GPC5: variants seen among roughly 807,000 people sequenced by gnomAD.
GPC5 encodes the protein glypican-5.
A neutral mutation model predicts 53.9 loss-of-function variants in GPC5; 47 were observed. The ratio of observed to expected loss-of-function variants is 0.87; its 90% CI spans 0.69 to 1.11. GPC5 has a LOEUF of 1.11. Ranked by LOEUF, GPC5 falls within the 50% of genes most tolerant of loss-of-function variation. The pLI is 0.00. For synonymous variants in GPC5, 286 were observed against 263.3 expected (o/e 1.09, Z -0.84); for missense variants, 748 against 713.1 (o/e 1.05, Z -0.56).
chr13:91,976,580 C>T (rs2040304433), intron 6 of GPC5, among the ~76,000 whole-genome samples: 2 of 152,106 alleles, frequency 1.3e-5, no homozygotes, highest in African/African-American at 4.8e-5. Flanking sequence ...AGTTGGTCAA[C>T]AGGAAGCAGG....
chr13:91,618,205 A>C (rs1003506664), intron 2 of GPC5, among the ~76,000 whole-genome samples: 2 of 152,148 alleles, frequency 1.3e-5, no homozygotes, highest in Non-Finnish European at 2.9e-5. Flanking sequence ...CAACCAGCTT[A>C]TACAATAGAG....
chr13:91,745,224 G>C (rs1316989083), intron 4 of GPC5, among the ~76,000 whole-genome samples: 4 of 152,060 alleles, frequency 2.6e-5, no homozygotes, highest in African/African-American at 9.7e-5. Flanking sequence ...ATCACTCTTT[G>C]TAGAGGAGGA....
Position 92,486,470 on chromosome 13 carries a change from G to A in GPC5, c.1561+341481G>A, listed in dbSNP as rs542446566. On this transcript the variant is annotated intron_variant, in intron 7 of 7. Transcript: ENST00000377067. ...TGTGATGTAATTTTTTAAATAAAGA[G>A]GAAAAAATTCTAGACATTTCCAACT... Among the ~76,000 whole-genome samples, 241 of 152,214 alleles carry A rather than the reference G, an allele frequency of 1.6e-3. 1 individual carries two copies. Among genetic ancestry groups the A allele is most frequent in the South Asian group, 7.7e-3 (37 of 4,818 alleles).
intron 6 of GPC5, among the ~76,000 whole-genome samples, chr13:92,065,708 A>G (rs552008146): frequency 6.6e-6 from 1 of 152,218 alleles, no homozygotes; most frequent in Admixed American, 6.5e-5. Context: ...TTAAATTTAC[A>G]TTTTCAAAAT....
chr13:91,782,324 C>G (rs1224440390), intron 5 of GPC5, among the ~76,000 whole-genome samples: 1 of 152,092 alleles, frequency 6.6e-6, no homozygotes, highest in Non-Finnish European at 1.5e-5. Flanking sequence ...AAGAAATACC[C>G]GAGACTGGCC....
At chr13:92,707,491 T>C (rs1361075571) in intron 7 of GPC5, among the ~76,000 whole-genome samples, 3 of 152,014 alleles carry the variant, frequency 2.0e-5, no homozygotes, top group Admixed American at 6.6e-5. Context: ...AGGACAAAAG[T>C]AGCAAGAAAG....
At chr13:92,336,456 G>A (rs755889897) in intron 7 of GPC5, among the ~76,000 whole-genome samples, 7 of 152,076 alleles carry the variant, frequency 4.6e-5, no homozygotes, top group Non-Finnish European at 1.0e-4. Flanking sequence ...AAACATATGA[G>A]AATTAACATG....
At chr13:91,694,073 G>T (rs549282605) in intron 3 of GPC5, among the ~76,000 whole-genome samples, 192 bp downstream of exon 3, 4 of 152,230 alleles carry the variant, frequency 2.6e-5, no homozygotes, top group African/African-American at 9.6e-5. Context: ...CTGCTGAAAG[G>T]GTGAGTACTG....
chr13:91,943,321 T>C (rs1341104704), intron 6 of GPC5, among the ~76,000 whole-genome samples: 7 of 152,128 alleles, frequency 4.6e-5, no homozygotes, highest in Non-Finnish European at 1.0e-4. Context: ...TTTGGCAATT[T>C]TAAGAAAAGT....
chr13:92,254,663 T>C (rs912302560), intron 7 of GPC5, among the ~76,000 whole-genome samples: 1 of 152,164 alleles, frequency 6.6e-6, no homozygotes, highest in Non-Finnish European at 1.5e-5. Flanking sequence ...TCCACACGGC[T>C]GGGGAGGCCT....
At chr13:92,397,001 G>C (rs1014177877) in intron 7 of GPC5, among the ~76,000 whole-genome samples, 38 of 152,314 alleles carry the variant, frequency 2.5e-4, no homozygotes, top group African/African-American at 8.9e-4. Context: ...CCCTCCATGT[G>C]CTAATGCCAA....
intron 1 of GPC5, among the ~76,000 whole-genome samples, chr13:91,437,412 G>C (rs1880067538): frequency 6.6e-6 from 1 of 152,218 alleles, no homozygotes. Flanking sequence ...GCATTTGCTT[G>C]TCTGTAAAGT....
chr13:91,909,869 C>T (rs994842423), intron 6 of GPC5, among the ~76,000 whole-genome samples: 1 of 152,062 alleles, frequency 6.6e-6, no homozygotes, highest in African/African-American at 2.4e-5. Context: ...GGTTTCAAAG[C>T]CATAGCCTTT....
At chr13:92,429,970 T>A (rs1379003489) in intron 7 of GPC5, among the ~76,000 whole-genome samples, 6 of 151,994 alleles carry the variant, frequency 3.9e-5, no homozygotes. Flanking sequence ...GAGAGTAGAT[T>A]TTAAGTATTG....
chr13:92,235,192 C>T (rs895197168), intron 7 of GPC5, among the ~76,000 whole-genome samples: 3 of 152,080 alleles, frequency 2.0e-5, no homozygotes, highest in Non-Finnish European at 4.4e-5. Flanking sequence ...ATCTCTATTT[C>T]TGCTACAGTT....
At chr13:92,056,074 T>C (rs1241870306) in intron 6 of GPC5, among the ~76,000 whole-genome samples, 3 of 152,206 alleles carry the variant, frequency 2.0e-5, no homozygotes, top group African/African-American at 7.2e-5. Context: ...ACCCAACTAC[T>C]ATAAATTTAG....
chr13:92,651,787 A>G (rs1885967378), intron 7 of GPC5, among the ~76,000 whole-genome samples: 1 of 152,100 alleles, frequency 6.6e-6, no homozygotes, highest in Admixed American at 6.6e-5. Flanking sequence ...TTTTTGGTAA[A>G]TCTAAAACTA....
chr13:92,724,287 A>C (rs1175273628), intron 7 of GPC5, among the ~76,000 whole-genome samples: 1 of 151,696 alleles, frequency 6.6e-6, no homozygotes, highest in Non-Finnish European at 1.5e-5. Flanking sequence ...AAAATAAATA[A>C]GTAAAAAAAC....
intron 5 of GPC5, among the ~76,000 whole-genome samples, chr13:91,823,496 T>G (rs968751777): frequency 3.3e-5 from 5 of 152,100 alleles, no homozygotes; most frequent in African/African-American, 1.2e-4. Context: ...CACTTCAACT[T>G]AAAGAATTAT....
Sources: allele counts gnomAD v4.1 joint callset (sites outside exome capture counted in the v4.1 genomes callset), GRCh38; gene constraint gnomAD v4.1.1; transcripts MANE v1.5; gene names NCBI Gene and HGNC (gene_info 2026-07-23, HGNC 2026-07-21).